ZNF613: variants seen among roughly 807,000 people sequenced by gnomAD.
ZNF613 encodes the protein zinc finger protein 613.
In ZNF613, 8 loss-of-function variants were observed where a neutral mutation model predicts 14.3. That is an observed-to-expected ratio of 0.56 (90% CI 0.33 to 1.01). The LOEUF (loss-of-function observed/expected upper bound fraction) is 1.01, where lower values mean the gene tolerates loss of function less well. ZNF613 is among the 50% of genes least tolerant of loss of function. ZNF613 has a pLI of 0.03. For synonymous variants in ZNF613, 228 were observed against 254.5 expected, an observed-to-expected ratio of 0.90 and a Z score of 0.99; for missense variants, 656 against 741.9, an observed-to-expected ratio of 0.88 and a Z score of 1.35.
chr19:51,941,665 G>A (rs939528896), intron 5 of ZNF613, among the ~76,000 whole-genome samples: 4 of 151,910 alleles, frequency 2.6e-5, no homozygotes, highest in Admixed American at 1.3e-4. Flanking sequence ...TTAAGTTCTT[G>A]TTCTCTATGG....
chr19:51,935,592 A>G (rs746726220), intron 2 of ZNF613, among the ~76,000 whole-genome samples: 4 of 152,228 alleles, frequency 2.6e-5, no homozygotes, highest in African/African-American at 4.8e-5. Flanking sequence ...GGCTTAATAC[A>G]TTTGTCTTCA....
intron 5 of ZNF613, among the ~76,000 whole-genome samples, chr19:51,943,281 C>T (rs1890030321): frequency 6.6e-6 from 1 of 152,184 alleles, no homozygotes; most frequent in Non-Finnish European, 1.5e-5. Flanking sequence ...GTTTCAGCTA[C>T]CTGTGGTCAA....
At chr19:51,937,556 G>GTC (rs2085313524) in intron 3 of ZNF613, among the ~76,000 whole-genome samples, 1 of 152,078 alleles carries the variant, frequency 6.6e-6, no homozygotes, top group South Asian at 2.1e-4. Flanking sequence ...TCTGTCTAAT[G>GTC]TCTCTGACTG....
intron 2 of ZNF613, among the ~76,000 whole-genome samples, chr19:51,935,537 G>A (rs2085299483): frequency 2.0e-5 from 3 of 152,184 alleles, no homozygotes; most frequent in Non-Finnish European, 2.9e-5. Flanking sequence ...AGGATGTAAC[G>A]CAGAAGGTAG....
At position 51,945,719 on chromosome 19, in the gene ZNF613, T is replaced by C. The variant is rs2085396201; in HGVS notation, c.1836T>C (p.Ser612=). Residue 612 remains serine, a synonymous_variant, in exon 6 of 6, where the codon AGT becomes AGC. Coordinates refer to ENST00000293471, the MANE Select transcript of ZNF613 (RefSeq NM_001031721.4). ...PVARSSVSAD[S]RICTE is the part of the protein sequence containing the mutation. ...CCAGAAGTTCAGTCTCAGCAGATAG[T>C]AGAATTTGCACAGAATAAAAACCAT... 1 of 1,614,124 alleles carries C rather than the reference T, an allele frequency of 6.2e-7. No homozygotes were observed. Among genetic ancestry groups the C allele is most frequent in the South Asian group, 1.1e-5 (1 of 91,074 alleles).
chr19:51,945,894 G>A lies in ZNF613; in HGVS notation c.*157G>A. 2 of 753,814 alleles carry A rather than the reference G, an allele frequency of 2.7e-6. No individual in the cohort carries two copies. The highest frequency in any genetic ancestry group is 1.9e-5 in the South Asian group (1 of 53,654). 46.7% of individuals were successfully genotyped at this position (753,814 alleles called of 1,614,324 possible). On this transcript the variant is annotated 3_prime_UTR_variant, in exon 6 of 6. Transcript: ENST00000293471. ...GCATATACTCAGAGAAAAATAGTATGAAGTGGAGACTGGGAAATTCTTTTA... is the reference window on the plus strand; with the variant it reads ...GCATATACTCAGAGAAAAATAGTATAAAGTGGAGACTGGGAAATTCTTTTA...
chr19:51,945,743 A>G lies in ZNF613; in HGVS notation c.*6A>G. The G allele has an allele frequency of 6.2e-7, 1 of 1,613,916 alleles. No individual in the cohort carries two copies. Among genetic ancestry groups the G allele is most frequent in the Non-Finnish European group, 8.5e-7 (1 of 1,179,936 alleles). ...GTAGAATTTGCACAGAATAAAAACC[A>G]TATGAATGCAGTGAATGTGGTAGTG... On this transcript the variant is annotated 3_prime_UTR_variant, in exon 6 of 6. Transcript: ENST00000293471.
At chr19:51,942,373 G>C (rs1444932666) in intron 5 of ZNF613, among the ~76,000 whole-genome samples, 2 of 152,218 alleles carry the variant, frequency 1.3e-5, no homozygotes, top group African/African-American at 2.4e-5. Context: ...GTCTTGTGGT[G>C]AAAAATGCTG....
intron 3 of ZNF613, among the ~76,000 whole-genome samples, chr19:51,939,510 G>A (rs963268872): frequency 6.6e-6 from 1 of 151,592 alleles, no homozygotes; most frequent in Non-Finnish European, 1.5e-5. Flanking sequence ...TGTATTTTTA[G>A]TAAAGATAGG....
chr19:51,942,761 T>C (rs7248650), intron 5 of ZNF613: 24,677 of 151,578 alleles, frequency 0.16, 2,629 homozygotes, highest in African/African-American at 0.3. Flanking sequence ...TGCAGTGCTG[T>C]GATCTCAGCT....
At position 51,928,793 on chromosome 19, in the gene ZNF613, T is replaced by A. The variant is rs187375845; in HGVS notation, c.-358-939T>A. 2.0e-5 allele frequency among the ~76,000 whole-genome samples: 3 copies of A among 147,350 alleles called. No homozygotes were observed. In the East Asian group the frequency reaches 5.9e-4, roughly 29 times the overall value. On this transcript the variant is annotated intron_variant, in intron 1 of 5. Transcript: ENST00000293471. ...TCACGTGACCCCGGGAGTTCTAGGC[T>A]GCAGTGAACTATGATTGAGCACTGC...
intron 2 of ZNF613, among the ~76,000 whole-genome samples, chr19:51,934,155 A>G (rs778626592): frequency 3.3e-5 from 5 of 151,862 alleles, no homozygotes; most frequent in South Asian, 4.2e-4. Context: ...ACCTTTGACT[A>G]TTTTTCAGAG....
rs149620166 is a variant in ZNF613 at position 51,945,023 on chromosome 19, C to T, written c.1140C>T (p.Gly380=). The T allele has an allele frequency of 1.4e-5, 23 of 1,613,986 alleles. No individual in the cohort carries two copies. The African/African-American group carries it at 2.8e-4, about 20-fold the overall frequency. The change falls in exon 6 of 6, where the codon GGC becomes GGT. Residue 380 remains glycine, a synonymous_variant. Coordinates refer to ENST00000293471, the MANE Select transcript of ZNF613 (RefSeq NM_001031721.4). ...ATATATGCCGTGATTGTGGAAAAGGCTTCATTCAGAAGGGAAATCTCATTG... is the reference window on the plus strand; with the variant it reads ...ATATATGCCGTGATTGTGGAAAAGGTTTCATTCAGAAGGGAAATCTCATTG... The part of the protein sequence containing the change: ...KSYICRDCGK[G]FIQKGNLIVH...
chr19:51,945,656 A>C lies in ZNF613; in HGVS notation c.1773A>C (p.Gln591His). 1.2e-6 allele frequency: 2 copies of C among 1,614,204 alleles called. No individual in the cohort carries two copies. The highest frequency in any genetic ancestry group is 1.7e-6 in the Non-Finnish European group (2 of 1,180,034). The change falls in exon 6 of 6, where the codon CAA becomes CAC. Residue 591 changes from glutamine to histidine, a missense_variant. By Grantham distance (24) the Gln-to-His change is conservative. Transcript: ENST00000293471. ...AQTSLTNSAFQAESKVAIVSQ... is the reference protein window; with the variant it reads ...AQTSLTNSAFHAESKVAIVSQ... ...CCTCATTAACTAACAGTGCGTTCCAAGCAGAGAGCAAAGTAGCCATTGTGA... is the reference window on the plus strand; with the variant it reads ...CCTCATTAACTAACAGTGCGTTCCACGCAGAGAGCAAAGTAGCCATTGTGA...
chr19:51,935,899 G>T (rs2085302070), intron 2 of ZNF613, 129 bp from the exon 3 acceptor site: 2 of 300,308 alleles, frequency 6.7e-6, no homozygotes, highest in Non-Finnish European at 1.2e-5. Flanking sequence ...GCCCCAGGGT[G>T]GGTTAAAACT....
At chr19:51,929,306 AG>A (rs2085245127) in intron 1 of ZNF613, among the ~76,000 whole-genome samples, 3 of 152,232 alleles carry the variant, frequency 2.0e-5, no homozygotes, top group Admixed American at 1.3e-4. Flanking sequence ...GGATATATTT[AG>A]ATAGAATTTT....
Position 51,940,351 on chromosome 19 carries a change from C to G in ZNF613, c.142+16C>G, listed in dbSNP as rs2085338072. On this transcript the variant is annotated intron_variant, in intron 4 of 5. Coordinates refer to ENST00000293471, the MANE Select transcript of ZNF613 (RefSeq NM_001031721.4). ...GTGTCAGTGGGTGAGGACAGCTGCCCTGTGTCACTCAGAGAGTACCCAGTC... is the reference window on the plus strand; with the variant it reads ...GTGTCAGTGGGTGAGGACAGCTGCCGTGTGTCACTCAGAGAGTACCCAGTC... The G allele has an allele frequency of 6.2e-7, 1 of 1,612,730 alleles. No individual in the cohort carries two copies. Among genetic ancestry groups the G allele is most frequent in the African/African-American group, 1.3e-5 (1 of 74,848 alleles).
Position 51,940,250 on chromosome 19 carries a change from G to C in ZNF613, c.57G>C (p.Trp19Cys). Reference sequence around the variant, plus strand: ...AGGATGTGGCTGTGGAGTTCACTTGGGAGGAGTGGCAGCTCCTCGGCCCTG... The same window carrying C: ...AGGATGTGGCTGTGGAGTTCACTTGCGAGGAGTGGCAGCTCCTCGGCCCTG... ...TLEDVAVEFT[W>C]EEWQLLGPAQ... Residue 19 changes from tryptophan to cysteine, a missense_variant, in exon 4 of 6, where the codon TGG becomes TGC. By Grantham distance (215) the Trp-to-Cys change is radical (BLOSUM62 -2). Coordinates refer to ENST00000293471, the MANE Select transcript of ZNF613 (RefSeq NM_001031721.4). The C allele has an allele frequency of 6.2e-7, 1 of 1,613,754 alleles. No homozygotes were observed. Among genetic ancestry groups the C allele is most frequent in the Non-Finnish European group, 8.5e-7 (1 of 1,179,816 alleles).
intron 4 of ZNF613, 69 bp from the exon 5 acceptor site, chr19:51,940,548 A>T: frequency 1.3e-6 from 2 of 1,528,618 alleles, no homozygotes; most frequent in Non-Finnish European, 1.8e-6. Context: ...AAAACAGAAC[A>T]TGGTCCCATG....
Sources: gnomAD v4.1 joint callset for allele counts (sites outside exome capture counted in the v4.1 genomes callset) on GRCh38, gnomAD v4.1.1 for gene constraint, MANE v1.5 for transcripts, NCBI Gene and HGNC (gene_info 2026-07-23, HGNC 2026-07-21) for gene names.